The following RASSF2 variants were observed in gnomAD, a reference collection of about 807,000 sequenced individuals.
RASSF2 encodes the protein ras association domain-containing protein 2.
In RASSF2, 34 loss-of-function variants were observed where a neutral mutation model predicts 46.3. The ratio of observed to expected loss-of-function variants is 0.73; its 90% CI spans 0.56 to 0.98. The LOEUF is 0.98. Among genes scored for constraint, RASSF2 ranks in the 50% least tolerant of loss-of-function variants. The probability of loss-of-function intolerance (pLI) is 0.00; values close to 1 mark genes in which losing one functional copy is unlikely to be tolerated. For synonymous variants in RASSF2, 158 were observed against 162.5 expected (o/e 0.97, Z 0.21); for missense variants, 364 against 431.2 (o/e 0.84, Z 1.38).
intron 10 of RASSF2, among the ~76,000 whole-genome samples, chr20:4,787,423 GC>G (rs1925454462): frequency 6.6e-6 from 1 of 152,156 alleles, no homozygotes; most frequent in Admixed American, 6.5e-5. Flanking sequence ...AGAATCATGG[GC>G]AAAAAAGCAA....
At position 4,795,001 on chromosome 20, in the gene RASSF2, G is replaced by A. The variant is rs1221480786; in HGVS notation, c.287+814C>T. Among the ~76,000 whole-genome samples, 1 of 152,228 alleles carries A rather than the reference G, an allele frequency of 6.6e-6. No individual in the cohort carries two copies. The highest frequency in any genetic ancestry group is 1.5e-5 in the Non-Finnish European group (1 of 68,036). On this transcript the variant is annotated intron_variant, in intron 5 of 11. Coordinates refer to ENST00000379400, the MANE Select transcript of RASSF2 (RefSeq NM_014737.3). This position sits in a 1 kb window ranked among gnomAD's most constrained non-coding sequence, Gnocchi z 4.0. ...ATTTAAACCAGAAAAAAAGGTCACT[G>A]TGGTTTTGGCTGAGAGGCGAGCACA...
At chr20:4,792,066 C>T (rs892367223) in intron 6 of RASSF2, among the ~76,000 whole-genome samples, 2 of 152,008 alleles carry the variant, frequency 1.3e-5, no homozygotes, top group African/African-American at 4.8e-5. Flanking sequence ...GCCTGGCCAA[C>T]ATGGCAAAAA....
intron 10 of RASSF2, among the ~76,000 whole-genome samples, chr20:4,787,060 A>G (rs907994497): frequency 6.6e-6 from 1 of 151,404 alleles, no homozygotes; most frequent in African/African-American, 2.4e-5. Context: ...TCCATCCCAA[A>G]AAAAAAAAAA....
intron 4 of RASSF2, among the ~76,000 whole-genome samples, chr20:4,796,729 T>A (rs537452739): frequency 6.6e-6 from 1 of 152,228 alleles, no homozygotes; most frequent in African/African-American, 2.4e-5. Context: ...CTTATGACTA[T>A]GAAATCCTTT....
intron 3 of RASSF2, among the ~76,000 whole-genome samples, chr20:4,800,514 G>T (rs541735749): frequency 6.6e-6 from 1 of 152,124 alleles, no homozygotes; most frequent in African/African-American, 2.4e-5. Context: ...TCCTCACACC[G>T]CGGAGGAAAA....
At chr20:4,819,424 A>T (rs1224860628) in intron 2 of RASSF2, among the ~76,000 whole-genome samples, 3 of 152,236 alleles carry the variant, frequency 2.0e-5, no homozygotes, top group Non-Finnish European at 4.4e-5. Flanking sequence ...ACTTGAGATG[A>T]GGAAGTGAGC....
At chr20:4,817,036 C>T (rs1183131289) in intron 2 of RASSF2, among the ~76,000 whole-genome samples, 14 of 152,120 alleles carry the variant, frequency 9.2e-5, no homozygotes, top group East Asian at 3.9e-4. Context: ...ACCCGGGAGG[C>T]GGAGATTGCA....
At chr20:4,810,282 C>T (rs1241957336) in intron 2 of RASSF2, among the ~76,000 whole-genome samples, 1 of 152,202 alleles carries the variant, frequency 6.6e-6, no homozygotes, top group Non-Finnish European at 1.5e-5. Flanking sequence ...CAGGTGTTTC[C>T]AGCCTCCCAC....
intron 2 of RASSF2, among the ~76,000 whole-genome samples, chr20:4,821,906 C>T (rs955045729): frequency 1.3e-5 from 2 of 152,246 alleles, no homozygotes; most frequent in African/African-American, 4.8e-5. Context: ...AAAGCCCCCA[C>T]GCAAGGGTCT....
At chr20:4,799,864 C>A (rs1254402004) in intron 3 of RASSF2, among the ~76,000 whole-genome samples, 3 of 152,208 alleles carry the variant, frequency 2.0e-5, no homozygotes, top group Non-Finnish European at 4.4e-5. Flanking sequence ...GTAATCCCAG[C>A]ACTTTGGGAG....
chr20:4,791,409 T>C (rs1376920365), intron 6 of RASSF2, among the ~76,000 whole-genome samples: 2 of 152,130 alleles, frequency 1.3e-5, no homozygotes, highest in African/African-American at 4.8e-5. Context: ...GTTAAGATGG[T>C]AAACGTTATG....
intron 5 of RASSF2, among the ~76,000 whole-genome samples, chr20:4,793,933 C>T (rs149748849): frequency 5.3e-5 from 8 of 152,262 alleles, no homozygotes; most frequent in Admixed American, 3.3e-4. Context: ...AAGAAGCAGG[C>T]GGACCGAAGG....
At chr20:4,804,387 G>A (rs1257817047) in intron 2 of RASSF2, among the ~76,000 whole-genome samples, 1 of 144,140 alleles carries the variant, frequency 6.9e-6, no homozygotes. Flanking sequence ...ACCCAGGCTG[G>A]AATGCAGTGG....
At chr20:4,814,540 A>G (rs574122205) in intron 2 of RASSF2, among the ~76,000 whole-genome samples, 7 of 152,234 alleles carry the variant, frequency 4.6e-5, no homozygotes, top group African/African-American at 9.6e-5. Flanking sequence ...CCCAAAAGCT[A>G]GGATCGCTGG....
chr20:4,800,622 G>C (rs1204363524), intron 3 of RASSF2, among the ~76,000 whole-genome samples: 2 of 152,136 alleles, frequency 1.3e-5, no homozygotes, highest in African/African-American at 4.8e-5. Context: ...TTTCCACATA[G>C]GAATTTGGGG....
chr20:4,788,915 T>A (rs1925605323), intron 8 of RASSF2, among the ~76,000 whole-genome samples: 1 of 152,182 alleles, frequency 6.6e-6, no homozygotes, highest in South Asian at 2.1e-4. Flanking sequence ...ATTATCCTCA[T>A]TTTATGATGA....
intron 2 of RASSF2, among the ~76,000 whole-genome samples, chr20:4,814,624 C>T (rs887693258): frequency 1.3e-5 from 2 of 152,142 alleles, no homozygotes; most frequent in Admixed American, 6.5e-5. Flanking sequence ...AAGGAAGTGC[C>T]GGGTGTGTCC....
At chr20:4,800,503 G>C (rs1318325588) in intron 3 of RASSF2, among the ~76,000 whole-genome samples, 1 of 152,146 alleles carries the variant, frequency 6.6e-6, no homozygotes, top group Non-Finnish European at 1.5e-5. Flanking sequence ...TTCTCACTGC[G>C]TCCTCACACC....
chr20:4,811,250 C>CACCCCTGTAGTCTTAGCTACTCAGGAGGA, intron 2 of RASSF2, among the ~76,000 whole-genome samples: 1 of 59,278 alleles, frequency 1.7e-5, no homozygotes, highest in Admixed American at 2.5e-4. Flanking sequence ...ACTCAGGAGG[C>CACCCCTGTAGTCTTAGCTACTCAGGAGGA]TGAGATAGGA....
Sources: gnomAD v4.1 joint callset for allele counts (sites outside exome capture counted in the v4.1 genomes callset) on GRCh38, gnomAD v4.1.1 for gene constraint, Gnocchi (gnomAD v3.1) non-coding constraint, MANE v1.5 for transcripts, NCBI Gene and HGNC (gene_info 2026-07-23, HGNC 2026-07-21) for gene names.